Variants in TMX3 observed in about 807,000 individuals in gnomAD.
TMX3 encodes thioredoxin related transmembrane protein 3, also known as protein disulfide-isomerase TMX3.
A neutral mutation model predicts 64.4 loss-of-function variants in TMX3; 40 were observed. The ratio of observed to expected loss-of-function variants is 0.62; its 90% CI spans 0.48 to 0.81. TMX3 has a LOEUF of 0.81. TMX3 is among the 30% of genes least tolerant of loss of function. The pLI is 0.00. For synonymous variants in TMX3, 189 were observed against 175.7 expected (o/e 1.08, Z -0.60); for missense variants, 497 against 534.5 (o/e 0.93, Z 0.69).
intron 14 of TMX3, among the ~76,000 whole-genome samples, chr18:68,680,123 C>A (rs1258346781): frequency 6.6e-6 from 1 of 152,074 alleles, no homozygotes; most frequent in Non-Finnish European, 1.5e-5. Context: ...AAATTATTTT[C>A]AAAAATATTC....
chr18:68,714,890 A>G (rs1337484588), intron 1 of TMX3, 46 bp downstream of exon 1: 4 of 1,547,488 alleles, frequency 2.6e-6, no homozygotes, highest in Non-Finnish European at 3.5e-6. Flanking sequence ...CGGCGGGGCC[A>G]GGTCCCACGC....
At chr18:68,684,157 A>C in intron 12 of TMX3, 33 bp downstream of exon 12, 1 of 1,530,992 alleles carries the variant, frequency 6.5e-7, no homozygotes, top group Non-Finnish European at 8.9e-7. Flanking sequence ...ATTAAACAAA[A>C]ATAAAGGAAT....
rs1472891534 is a variant in TMX3 at position 68,674,757 on chromosome 18, CAAG to C, written c.*2173_*2175del. 6.6e-6 allele frequency: 1 copy of C among 151,980 alleles called. No individual in the cohort carries two copies. The highest frequency in any genetic ancestry group is 6.6e-5 in the Admixed American group (1 of 15,252). 9.4% of individuals were successfully genotyped at this position (151,980 alleles called of 1,614,324 possible). ...TAGAGAAAAAAACAAAATTTTAATA[CAAG>C]AAGAAATAAAAATTATTCACTTACA... On this transcript the variant is annotated 3_prime_UTR_variant, in exon 16 of 16. Transcript: ENST00000299608.
Position 68,684,217 on chromosome 18 carries a change from G to T in TMX3, c.821C>A (p.Ala274Glu). 3.1e-6 allele frequency: 5 copies of T among 1,611,820 alleles called. No homozygotes were observed. The highest frequency in any genetic ancestry group is 4.2e-6 in the Non-Finnish European group (5 of 1,178,478). ...ATGGAAGAGGTCTCTGTAATCTCTT[G>T]CAACTTCCTGAATAATTGACTTCAA... ...TRLKSIIQEV[A>E]RDYRDLFHRD... Residue 274 changes from alanine (A) to glutamate (E), a missense_variant, in exon 12 of 16, where the codon GCA becomes GAA. By Grantham distance (107) the Ala-to-Glu change is moderately radical (BLOSUM62 -1). Coordinates refer to ENST00000299608, the MANE Select transcript of TMX3 (RefSeq NM_019022.5).
At chr18:68,700,966 C>T in intron 5 of TMX3, 2 of 985,052 alleles carry the variant, frequency 2.0e-6, no homozygotes, top group Non-Finnish European at 2.4e-6. Context: ...TAGAAACGTA[C>T]ATAATTCTTC....
intron 4 of TMX3, among the ~76,000 whole-genome samples, chr18:68,702,865 A>C (rs776940510): frequency 9.2e-5 from 14 of 152,204 alleles, no homozygotes; most frequent in Non-Finnish European, 1.6e-4. Context: ...TTTTTCCTTC[A>C]TTTGTCAACT....
intron 4 of TMX3, among the ~76,000 whole-genome samples, chr18:68,708,073 ATGTGTATATATATG>A (rs1474551861): frequency 6.6e-6 from 1 of 150,640 alleles, no homozygotes; most frequent in Admixed American, 6.6e-5. Flanking sequence ...ATATGTGTAT[ATGTGTATATATATG>A]TGTGTATATA....
chr18:68,701,542 T>C lies in TMX3; in HGVS notation c.311+203A>G. ...CACACAGCAAGCAAAACACGTGAAT[T>C]AGCCATAAACAACATGATTGCTTAA... On this transcript the variant is annotated intron_variant, in intron 5 of 15. Coordinates refer to ENST00000299608, the MANE Select transcript of TMX3 (RefSeq NM_019022.5). The C allele has an allele frequency of 3.3e-6, 4 of 1,224,688 alleles. No homozygotes were observed. In the South Asian group the frequency reaches 4.0e-5, roughly 12 times the overall value. 75.9% of individuals were successfully genotyped at this position (1,224,688 alleles called of 1,614,324 possible).
At chr18:68,693,324 A>G (rs1041789630) in intron 8 of TMX3, among the ~76,000 whole-genome samples, 3 of 152,062 alleles carry the variant, frequency 2.0e-5, no homozygotes, top group Non-Finnish European at 4.4e-5. Context: ...CCTGCTACCA[A>G]GTTCGTGGGG....
chr18:68,702,837 T>A (rs191040601), intron 4 of TMX3, among the ~76,000 whole-genome samples: 1 of 152,216 alleles, frequency 6.6e-6, no homozygotes, highest in Non-Finnish European at 1.5e-5. Flanking sequence ...GGCAGTCGAT[T>A]TGTGAAAATA....
intron 7 of TMX3, 27 bp from the exon 8 acceptor site, chr18:68,697,330 T>C: frequency 1.4e-6 from 2 of 1,414,220 alleles, no homozygotes; most frequent in East Asian, 2.4e-5. Context: ...AGAAAAAAGA[T>C]CATTGAAAAA....
rs1912905677 is a variant in TMX3, at chr18:68,676,094, A to G, written c.*839T>C. 1 of 152,186 alleles carries G rather than the reference A, an allele frequency of 6.6e-6. No homozygotes were observed. 9.4% of individuals were successfully genotyped at this position (152,186 alleles called of 1,614,324 possible). ...ACTTTTCAAAAAGCAGAAGATTTTT[A>G]TCAAAGGAAATGTTAGAAGAAATCT... On this transcript the variant is annotated 3_prime_UTR_variant, in exon 16 of 16. Coordinates refer to ENST00000299608, the MANE Select transcript of TMX3 (RefSeq NM_019022.5).
intron 3 of TMX3, 23 bp from the exon 4 acceptor site, chr18:68,710,167 C>A (rs1301068954): frequency 6.0e-6 from 9 of 1,498,420 alleles, no homozygotes; most frequent in African/African-American, 3.0e-5. Flanking sequence ...AAACAAACAA[C>A]AAACAAAAAA....
At position 68,687,694 on chromosome 18, in the gene TMX3, A is replaced by C; in HGVS notation, c.709T>G (p.Phe237Val). 1 of 1,612,398 alleles carries C rather than the reference A, an allele frequency of 6.2e-7. No individual in the cohort carries two copies. The highest frequency in any genetic ancestry group is 8.5e-7 in the Non-Finnish European group (1 of 1,179,216). Residue 237 changes from phenylalanine to valine, a missense_variant, in exon 10 of 16, where the codon TTC becomes GTC. This residue lies in a region of TMX3 where 360 missense variants were observed against 383.5 expected (regional missense o/e 0.94). Transcript: ENST00000299608. The part of the protein sequence containing the change: ...RFQNYLAMDG[F>V]LLYELGDTGK... ...GTGTCTCCAAGTTCATACAAGAGGA[A>C]GCCATCCATAGCAAGGTAATTCTGA...
rs765881498 is a variant in TMX3, at chr18:68,697,315, C to A, written c.493-12G>T. On this transcript the variant is annotated splice_polypyrimidine_tract_variant and intron_variant, in intron 7 of 15. Transcript: ENST00000299608. ...TCTATGTATTTCTCCTATGAAGATA[C>A]AAACAGAAAAAAGATCATTGAAAAA... is the stretch of plus-strand genomic sequence containing the variant. The A allele has an allele frequency of 2.7e-6, 4 of 1,475,140 alleles. No individual in the cohort carries two copies. The South Asian group carries it at 5.4e-5, about 20-fold the overall frequency. The allele number at this position is 1,475,140 out of a possible 1,614,324, so 91.4% of individuals were successfully genotyped here.
intron 4 of TMX3, chr18:68,706,376 A>G (rs1245177991): frequency 6.6e-6 from 1 of 152,206 alleles, no homozygotes; most frequent in Non-Finnish European, 1.5e-5. Flanking sequence ...GCACCTTTGC[A>G]CTCCAGCTTG....
rs1228638550 is a variant in TMX3 at position 68,710,022 on chromosome 18, A to G, written c.264T>C (p.Ser88=). The G allele has an allele frequency of 6.3e-7, 1 of 1,586,052 alleles. No individual in the cohort carries two copies. The highest frequency in any genetic ancestry group is 8.6e-7 in the Non-Finnish European group (1 of 1,168,808). The change falls in exon 4 of 16, where the codon TCT becomes TCC. Residue 88 remains serine, a splice_region_variant and synonymous_variant. Coordinates refer to ENST00000299608, the MANE Select transcript of TMX3 (RefSeq NM_019022.5). The part of the protein sequence containing the change: ...KVGKMDATSY[S]SIASEFGVRG... Reference sequence around the variant, plus strand: ...ATAATAAACTAAGTGAAGGCTTACTAGAATAGGAAGTAGCATCCATCTTTC... The same window carrying G: ...ATAATAAACTAAGTGAAGGCTTACTGGAATAGGAAGTAGCATCCATCTTTC...
intron 8 of TMX3, among the ~76,000 whole-genome samples, chr18:68,694,884 C>T (rs1026065048): frequency 1.3e-5 from 2 of 151,896 alleles, no homozygotes; most frequent in South Asian, 4.2e-4. Context: ...AATCTTTAAA[C>T]ATTAAATCAT....
chr18:68,676,729 G>A lies in TMX3; in HGVS notation c.*204C>T. 1.6e-6 allele frequency: 1 copy of A among 609,376 alleles called. No individual in the cohort carries two copies. 37.7% of individuals were successfully genotyped at this position (609,376 alleles called of 1,614,324 possible). ...CAGGTAAATTTTGATGGAGTGCTCT[G>A]TGTTTGTTTCAGACAAACTGTTCAT... On this transcript the variant is annotated 3_prime_UTR_variant, in exon 16 of 16. Transcript: ENST00000299608.
Sources: allele counts gnomAD v4.1 joint callset (sites outside exome capture counted in the v4.1 genomes callset), GRCh38; gene constraint gnomAD v4.1.1; regional missense constraint gnomAD v4.1.1; transcripts MANE v1.5; gene names NCBI Gene and HGNC (gene_info 2026-07-23, HGNC 2026-07-21).